The following USH2A variants were observed in gnomAD, a reference collection of about 807,000 sequenced individuals.
The protein encoded by USH2A is usherin.
USH2A carries 443 observed loss-of-function variants against 538.9 expected under a neutral mutation model. The ratio of observed to expected loss-of-function variants is 0.82; its 90% confidence interval spans 0.76 to 0.89. USH2A has a LOEUF of 0.89. USH2A is among the 40% of genes least tolerant of loss of function. The pLI, the probability that USH2A is intolerant of heterozygous loss-of-function variation, is 0.00. For synonymous variants in USH2A, 2,413 were observed against 2,273.5 expected (o/e 1.06, Z -1.75); for missense variants, 6,633 against 6,324.8 (o/e 1.05, Z -1.65).
intron 9 of USH2A, among the ~76,000 whole-genome samples, chr1:216,320,875 T>C (rs1288836492): frequency 6.6e-6 from 1 of 152,150 alleles, no homozygotes; most frequent in African/African-American, 2.4e-5. Context: ...CATTTATCAC[T>C]ACCTTACATT....
At chr1:215,858,678 C>T (rs557592688) in intron 44 of USH2A, among the ~76,000 whole-genome samples, 1 of 151,708 alleles carries the variant, frequency 6.6e-6, no homozygotes, top group South Asian at 2.1e-4. Context: ...AAGGTTGTAA[C>T]CTTTTTGGAT....
intron 27 of USH2A, among the ~76,000 whole-genome samples, chr1:216,076,599 G>A (rs1324864347): frequency 6.6e-6 from 1 of 151,860 alleles, no homozygotes; most frequent in Non-Finnish European, 1.5e-5. Context: ...TCTAACCTCA[G>A]AAACCTGAAA....
intron 40 of USH2A, 26 bp from the exon 41 acceptor site, chr1:215,889,080 G>C: frequency 6.2e-7 from 1 of 1,610,966 alleles, no homozygotes; most frequent in Non-Finnish European, 8.5e-7. Flanking sequence ...AATCCAGAAA[G>C]TCAGACCTCT....
intron 37 of USH2A, among the ~76,000 whole-genome samples, chr1:215,950,950 T>G (rs913396437): frequency 6.6e-6 from 1 of 152,224 alleles, no homozygotes; most frequent in Admixed American, 6.5e-5. Flanking sequence ...TCTTTTCTTC[T>G]TTATTAGTCT....
At chr1:216,322,628 A>G (rs1275246116) in intron 8 of USH2A, among the ~76,000 whole-genome samples, 1 of 151,954 alleles carries the variant, frequency 6.6e-6, no homozygotes, top group Admixed American at 6.6e-5. Context: ...AAAGAAAGAA[A>G]AAAGAATATA....
chr1:215,760,483 C>A (rs4655429), intron 56 of USH2A, among the ~76,000 whole-genome samples: 29,325 of 151,956 alleles, frequency 0.19, 3,036 homozygotes, highest in East Asian at 0.36. Context: ...TATGCATATG[C>A]TGAAGACCCC....
rs116427349 is a variant in USH2A at position 215,929,966 on chromosome 1, C to A, written c.7300+4650G>T. Among the ~76,000 whole-genome samples, 1,139 of 151,816 alleles carry A rather than the reference C, an allele frequency of 7.5e-3. 10 individuals carry two copies. The highest frequency in any genetic ancestry group is 0.026 in the African/African-American group (1,066 of 41,452). ...GGGAAGGAGAGAGAGTCGAAAAGAC[C>A]CTGTAAAACAAACTACTCGCAACCA... On this transcript the variant is annotated intron_variant, in intron 38 of 71. Transcript: ENST00000307340.
chr1:215,751,789 G>A (rs892234874), intron 58 of USH2A, among the ~76,000 whole-genome samples: 2 of 152,052 alleles, frequency 1.3e-5, no homozygotes, highest in Non-Finnish European at 1.5e-5. Context: ...ATTACCTAAA[G>A]GTTCAAACAA....
intron 61 of USH2A, among the ~76,000 whole-genome samples, chr1:215,705,420 T>A (rs922240280): frequency 6.6e-6 from 1 of 152,196 alleles, no homozygotes; most frequent in African/African-American, 2.4e-5. Flanking sequence ...TGCACAGAAC[T>A]CAAGTGAAGT....
intron 4 of USH2A, among the ~76,000 whole-genome samples, chr1:216,357,981 T>C (rs1053570270): frequency 1.3e-5 from 2 of 152,210 alleles, no homozygotes; most frequent in Non-Finnish European, 2.9e-5. Context: ...AAGGTGTTTC[T>C]ATTTGTATAC....
chr1:216,238,819 G>T (rs991349544), intron 13 of USH2A, among the ~76,000 whole-genome samples: 1 of 152,096 alleles, frequency 6.6e-6, no homozygotes, highest in African/African-American at 2.4e-5. Flanking sequence ...ACAGATGAAA[G>T]GGAGGCAGAA....
At position 216,078,218 on chromosome 1, in the gene USH2A, T is replaced by G. The variant is rs940913250; in HGVS notation, c.5443A>C (p.Ser1815Arg). ...IKKEGSFISA[S>R]VNGLMKHASE... ...GCATGCTTCATCAGTCCATTCACAC[T>G]TGCTGATATGAAAGAGCCTTCCTTT... Residue 1815 changes from serine to arginine, a missense_variant, in exon 27 of 72, where the codon AGT becomes CGT. Ser to Arg is a moderately radical substitution (Grantham distance 110). Transcript: ENST00000307340. The G allele has an allele frequency of 6.2e-7, 1 of 1,613,824 alleles. No homozygotes were observed. The highest frequency in any genetic ancestry group is 8.5e-7 in the Non-Finnish European group (1 of 1,179,780).
intron 35 of USH2A, 107 bp downstream of exon 35, chr1:215,992,913 C>T (rs1412206054): frequency 6.5e-7 from 1 of 1,535,880 alleles, no homozygotes. Context: ...ATTTTATGTG[C>T]TAAAATGATC....
intron 67 of USH2A, among the ~76,000 whole-genome samples, chr1:215,643,861 G>A (rs1012005426): frequency 1.3e-5 from 2 of 151,862 alleles, no homozygotes; most frequent in African/African-American, 4.8e-5. Context: ...AGTTCACTTT[G>A]TTCTTCCAAG....
intron 55 of USH2A, among the ~76,000 whole-genome samples, chr1:215,779,518 T>C (rs554252246): frequency 1.3e-5 from 2 of 152,300 alleles, no homozygotes; most frequent in East Asian, 3.9e-4. Context: ...CTTAGTCCCA[T>C]TAACTATGAG....
intron 70 of USH2A, 120 bp downstream of exon 70, chr1:215,634,339 A>G (rs1656404145): frequency 2.0e-6 from 3 of 1,517,348 alleles, no homozygotes; most frequent in Non-Finnish European, 2.7e-6. Flanking sequence ...CCCCACACTT[A>G]GTGAAACATA....
intron 55 of USH2A, among the ~76,000 whole-genome samples, chr1:215,767,928 A>C (rs901494118): frequency 2.6e-5 from 4 of 152,194 alleles, no homozygotes; most frequent in Non-Finnish European, 4.4e-5. Flanking sequence ...TAGTATTTTA[A>C]AACAACAGGA....
intron 21 of USH2A, among the ~76,000 whole-genome samples, chr1:216,169,326 C>G (rs1303275503): frequency 6.6e-6 from 1 of 151,954 alleles, no homozygotes; most frequent in Non-Finnish European, 1.5e-5. Flanking sequence ...AGTTACCTAA[C>G]ATTAATATTT....
intron 22 of USH2A, among the ~76,000 whole-genome samples, chr1:216,095,667 C>T (rs1166752633): frequency 6.6e-6 from 1 of 152,166 alleles, no homozygotes; most frequent in Non-Finnish European, 1.5e-5. Context: ...GAGGAGGGAG[C>T]CTTTCTGTCC....
Sources: gnomAD v4.1 joint callset for allele counts (sites outside exome capture counted in the v4.1 genomes callset) on GRCh38, gnomAD v4.1.1 for gene constraint, MANE v1.5 for transcripts, NCBI Gene and HGNC (gene_info 2026-07-23, HGNC 2026-07-21) for gene names.